Variants in ACP4 observed in about 807,000 individuals in gnomAD.
The protein encoded by ACP4 is testicular acid phosphatase.
A neutral mutation model predicts 47.3 loss-of-function variants in ACP4; 49 were observed. That is an observed-to-expected ratio of 1.04 (90% confidence interval 0.82 to 1.32). The LOEUF (loss-of-function observed/expected upper bound fraction) is 1.32. Among genes scored for constraint, ACP4 ranks in the 40% most tolerant of loss-of-function variants. The pLI is 0.00. For missense variants in ACP4, 594 were observed against 579.3 expected (o/e 1.03, Z -0.26); for synonymous variants, 299 against 265.3 (o/e 1.13, Z -1.23).
At chr19:50,793,616 C>A in intron 6 of ACP4, 68 bp from the exon 7 acceptor site, 1 of 1,587,214 alleles carries the variant, frequency 6.3e-7, no homozygotes, top group South Asian at 1.1e-5. Context: ...CAGGGGGCAG[C>A]ACAGGCCTGC....
In ACP4 at chr19:50,794,046, G is replaced by C. The variant is rs2089533431; in HGVS notation, c.861+76G>C. 4.5e-6 allele frequency: 7 copies of C among 1,549,312 alleles called. No homozygotes were observed. The South Asian group carries it at 6.7e-5, about 15-fold the overall frequency. On this transcript the variant is annotated intron_variant, in intron 8 of 10. Coordinates refer to ENST00000270593, the MANE Select transcript of ACP4 (RefSeq NM_033068.3). ...GTGACAGCGATTTAGGTGAGGAAGA[G>C]CCTGTGGTCCCAGTGGATCTCAGCC...
intron 3 of ACP4, among the ~76,000 whole-genome samples, chr19:50,791,096 C>T (rs2089501450): frequency 6.6e-6 from 1 of 152,178 alleles, no homozygotes; most frequent in Non-Finnish European, 1.5e-5. Context: ...TATTTTCTGG[C>T]CTCCATCTCT....
At chr19:50,794,605 G>T (rs763609499) in intron 9 of ACP4, 24 bp downstream of exon 9, 1 of 1,613,874 alleles carries the variant, frequency 6.2e-7, no homozygotes. Context: ...GGTGCCCAGG[G>T]ACATGGGTGG....
chr19:50,791,771 C>T lies in ACP4; in HGVS notation c.419C>T (p.Pro140Leu), dbSNP rs1371134137. 4.3e-6 allele frequency: 7 copies of T among 1,611,370 alleles called. No homozygotes were observed. The East Asian group carries it at 6.7e-5, about 15-fold the overall frequency. The part of the protein sequence containing the change: ...GSPEARWRPI[P>L]VHTVPVAEDK... ...CCCGAGGCCCGCTGGAGGCCGATCC[C>T]GGTGCACACGGTGCCCGTGGCTGAG... The change falls in exon 4 of 11, where the codon CCG becomes CTG. Residue 140 changes from proline (P) to leucine (L), a missense_variant. Physicochemically the swap from Pro to Leu is moderately conservative, Grantham distance 98 (BLOSUM62 -3). Coordinates refer to ENST00000270593, the MANE Select transcript of ACP4 (RefSeq NM_033068.3).
Position 50,793,705 on chromosome 19 carries a change from C to A in ACP4, c.667C>A (p.Pro223Thr), listed in dbSNP as rs2089529828. Residue 223 changes from proline (P) to threonine (T), a missense_variant, in exon 7 of 11, where the codon CCA becomes ACA. Pro to Thr is a conservative substitution (Grantham distance 38). Transcript: ENST00000270593. ...MCQQAHGLPL[P>T]AWASPDVLRT... Reference sequence around the variant, plus strand: ...ACAGCAAGCCCACGGTCTTCCACTACCAGCCTGGGCCTCCCCAGATGTCCT... The same window carrying A: ...ACAGCAAGCCCACGGTCTTCCACTAACAGCCTGGGCCTCCCCAGATGTCCT... The A allele has an allele frequency of 3.7e-6, 6 of 1,613,494 alleles. No homozygotes were observed. The highest frequency in any genetic ancestry group is 5.1e-6 in the Non-Finnish European group (6 of 1,180,026).
rs755290852 is a variant in ACP4, at chr19:50,793,679, C to T, written c.646-5C>T. 2 of 1,612,842 alleles carry T rather than the reference C, an allele frequency of 1.2e-6. No homozygotes were observed. Among genetic ancestry groups the T allele is most frequent in the East Asian group, 2.2e-5 (1 of 44,878 alleles). ...GGATGGTCCATCTGTCCTGTCTCCC[C>T]ACAGCAAGCCCACGGTCTTCCACTA... On this transcript the variant is annotated splice_polypyrimidine_tract_variant and splice_region_variant and intron_variant, in intron 6 of 10. Transcript: ENST00000270593.
At position 50,794,864 on chromosome 19, in the gene ACP4, C is replaced by T. The variant is rs146783689; in HGVS notation, c.1065C>T (p.Ala355=). The change falls in exon 10 of 11, where the codon GCC becomes GCT. Residue 355 remains alanine (A), a synonymous_variant. Transcript: ENST00000270593. Reference sequence around the variant, plus strand: ...CTCTCAGCCTCCCCGGGTGCCCGGCCCCCTGTCCACTAGGCCGCTTCTACC... The same window carrying T: ...CTCTCAGCCTCCCCGGGTGCCCGGCTCCCTGTCCACTAGGCCGCTTCTACC... ...PLPLSLPGCP[A]PCPLGRFYQL... is the part of the protein sequence containing the mutation. 5 of 1,613,818 alleles carry T rather than the reference C, an allele frequency of 3.1e-6. No homozygotes were observed. The African/African-American group carries it at 5.3e-5, about 17-fold the overall frequency.
rs1335033240 is a variant in ACP4, at chr19:50,793,749, C to G, written c.711C>G (p.Ile237Met). Residue 237 changes from isoleucine to methionine, a missense_variant, in exon 7 of 11, where the codon ATC becomes ATG. Coordinates refer to ENST00000270593, the MANE Select transcript of ACP4 (RefSeq NM_033068.3). ...SPDVLRTLAQISALDIGAHVG... is the reference protein window; with the variant it reads ...SPDVLRTLAQMSALDIGAHVG... Reference sequence around the variant, plus strand: ...ATGTCCTGCGGACTCTTGCCCAGATCTCGGCTTTGGATATTGGAGCCCACG... The same window carrying G: ...ATGTCCTGCGGACTCTTGCCCAGATGTCGGCTTTGGATATTGGAGCCCACG... 1.2e-6 allele frequency: 2 copies of G among 1,613,826 alleles called. No homozygotes were observed. The highest frequency in any genetic ancestry group is 1.1e-5 in the South Asian group (1 of 91,082).
rs1043568076 is a variant in ACP4 at position 50,792,144 on chromosome 19, G to A, written c.522G>A (p.Glu174=). Residue 174 remains glutamate, a synonymous_variant, in exon 5 of 11, where the codon GAG becomes GAA. Transcript: ENST00000270593. The part of the protein sequence containing the change: ...ELLREATEAA[E]YQEALEGWTG... ...TGCGGGAGGCCACCGAGGCCGCCGAGTACCAGGAGGCCCTGGAGGGCTGGA... is the reference window on the plus strand; with the variant it reads ...TGCGGGAGGCCACCGAGGCCGCCGAATACCAGGAGGCCCTGGAGGGCTGGA... 6.2e-7 allele frequency: 1 copy of A among 1,609,650 alleles called. No individual in the cohort carries two copies. The highest frequency in any genetic ancestry group is 8.5e-7 in the Non-Finnish European group (1 of 1,179,380).
In ACP4 at chr19:50,792,068, C is replaced by T. The variant is rs1374656356; in HGVS notation, c.451-5C>T. 1.3e-6 allele frequency: 2 copies of T among 1,571,416 alleles called. No homozygotes were observed. Among genetic ancestry groups the T allele is most frequent in the Middle Eastern group, 4.5e-4 (2 of 4,444 alleles). The stretch of plus-strand genomic sequence containing the variant: ...CTGTCCTCTCTGAGACTCAGTTTTC[C>T]CCAGCTGCTGAGGTTCCCCATGCGC... On this transcript the variant is annotated splice_polypyrimidine_tract_variant and splice_region_variant and intron_variant, in intron 4 of 10. Coordinates refer to ENST00000270593, the MANE Select transcript of ACP4 (RefSeq NM_033068.3).
intron 8 of ACP4, 117 bp downstream of exon 8, chr19:50,794,087 C>T: frequency 2.5e-6 from 3 of 1,222,840 alleles, no homozygotes; most frequent in Non-Finnish European, 3.6e-6. Flanking sequence ...CCTGGGGTAA[C>T]CCGTATCTCC....
At chr19:50,793,592 G>A (rs2089528187) in intron 6 of ACP4, 92 bp from the exon 7 acceptor site, 4 of 1,528,140 alleles carry the variant, frequency 2.6e-6, no homozygotes, top group Non-Finnish European at 3.5e-6. Flanking sequence ...GGCCCATGGG[G>A]GGACTCAGAA....
Position 50,794,576 on chromosome 19 carries a change from TGGAG to T in ACP4, c.984_986+1del. ...AGCACCTGGGGAATCCCGCCAAAGA[TGGAG>T]GGTGAGAATGGTTTGGTGCCCAGGG... On this transcript the variant is annotated frameshift_variant and splice_region_variant, in exon 9 of 11. Coordinates refer to ENST00000270593, the MANE Select transcript of ACP4 (RefSeq NM_033068.3). LOFTEE classifies it high-confidence loss of function. 6.2e-7 allele frequency: 1 copy of T among 1,613,880 alleles called. No individual in the cohort carries two copies. Among genetic ancestry groups the T allele is most frequent in the Non-Finnish European group, 8.5e-7 (1 of 1,179,968 alleles).
Position 50,790,479 on chromosome 19 carries a change from T to C in ACP4, c.65T>C (p.Leu22Pro). ...CTCCTGCTGCTGCTGCTGCTGGTGC[T>C]GCCACCCCGGGCCCTGCCAGAAGGA... ...GPLLLLLLLV[L>P]PPRALPEGPL... The change falls in exon 1 of 11, where the codon CTG (leucine) becomes CCG (proline). Residue 22 changes from leucine to proline, a missense_variant. Physicochemically the swap from Leu to Pro is moderately conservative, Grantham distance 98. Transcript: ENST00000270593. 2 of 1,566,804 alleles carry C rather than the reference T, an allele frequency of 1.3e-6. No homozygotes were observed. Among genetic ancestry groups the C allele is most frequent in the Non-Finnish European group, 1.7e-6 (2 of 1,158,764 alleles).
In ACP4 at chr19:50,790,786, C is replaced by T; in HGVS notation, c.229C>T (p.Gln77Ter). 6.5e-7 allele frequency: 1 copy of T among 1,548,174 alleles called. No individual in the cohort carries two copies. Among genetic ancestry groups the T allele is most frequent in the Non-Finnish European group, 8.7e-7 (1 of 1,146,662 alleles). The change falls in exon 3 of 11, where the codon CAG (glutamine) becomes TAG (stop). Residue 77 changes from glutamine to a stop codon, truncating the protein, a stop_gained. Transcript: ENST00000270593. LOFTEE classifies it high-confidence loss of function. The stretch of plus-strand genomic sequence containing the variant: ...GTTCTGTCCCCAGGAGGGGGTCCGC[C>T]AGCAGCTGGAGCTGGGCCGCTTCCT... Reference protein sequence around the residue: ...LGQLTTEGVRQQLELGRFLRS... With the variant: ...LGQLTTEGVR
rs1170878485 is a variant in ACP4 at position 50,792,122 on chromosome 19, G to A, written c.500G>A (p.Arg167Gln). 4.4e-6 allele frequency: 7 copies of A among 1,607,170 alleles called. No homozygotes were observed. Among genetic ancestry groups the A allele is most frequent in the South Asian group, 2.2e-5 (2 of 90,530 alleles). Reference sequence around the variant, plus strand: ...TGTCCCCGATACCACGAGCTGCTGCGGGAGGCCACCGAGGCCGCCGAGTAC... The same window carrying A: ...TGTCCCCGATACCACGAGCTGCTGCAGGAGGCCACCGAGGCCGCCGAGTAC... ...RSCPRYHELLREATEAAEYQE... is the reference protein window; with the variant it reads ...RSCPRYHELLQEATEAAEYQE... Residue 167 changes from arginine to glutamine, a missense_variant, in exon 5 of 11, where the codon CGG (arginine) becomes CAG (glutamine). Arg to Gln is a conservative substitution (Grantham distance 43, BLOSUM62 1). Coordinates refer to ENST00000270593, the MANE Select transcript of ACP4 (RefSeq NM_033068.3).
chr19:50,793,492 G>C lies in ACP4; in HGVS notation c.646-192G>C, dbSNP rs566135932. The C allele has an allele frequency of 5.0e-6, 4 of 807,202 alleles. No homozygotes were observed. The African/African-American group carries it at 6.9e-5, about 14-fold the overall frequency. 50.0% of individuals were successfully genotyped at this position (807,202 alleles called of 1,614,324 possible). On this transcript the variant is annotated intron_variant, in intron 6 of 10. Coordinates refer to ENST00000270593, the MANE Select transcript of ACP4 (RefSeq NM_033068.3). ...ATTGCGCTACTGCACTCCAGCCTAG[G>C]TGATGGAGCAAGGCTCCGTTTCAAA...
At chr19:50,794,193 C>G (rs113949123) in intron 8 of ACP4, among the ~76,000 whole-genome samples, 94 of 152,126 alleles carry the variant, frequency 6.2e-4, no homozygotes, top group African/African-American at 2.2e-3. Flanking sequence ...TCCTTGTTTT[C>G]TTTAAGAAAC....
chr19:50,794,635 GGGGTGATGTGTCA>G, intron 9 of ACP4, 54 bp downstream of exon 9: 1 of 1,613,016 alleles, frequency 6.2e-7, no homozygotes, highest in South Asian at 1.1e-5. Flanking sequence ...CTCAAAGCAA[GGGGTGATGTGTCA>G]GGCAGAGGGC....
Sources: gnomAD v4.1 joint callset for allele counts (sites outside exome capture counted in the v4.1 genomes callset) on GRCh38, gnomAD v4.1.1 for gene constraint, MANE v1.5 for transcripts, NCBI Gene and HGNC (gene_info 2026-07-23, HGNC 2026-07-21) for gene names.